Variants in TPM3 observed in about 807,000 individuals in gnomAD.
The protein encoded by TPM3 is tropomyosin alpha-3 chain.
Under a neutral mutation model 43.1 loss-of-function variants are expected in TPM3, and 16 were observed. The ratio of observed to expected loss-of-function variants is 0.37; its 90% CI spans 0.25 to 0.56. The LOEUF is 0.56. Among genes scored for constraint, TPM3 ranks in the 20% least tolerant of loss-of-function variants. The pLI, the probability that TPM3 is intolerant of heterozygous loss-of-function variation, is 0.77. For synonymous variants in TPM3, 101 were observed against 116.9 expected (o/e 0.86, Z 0.88); for missense variants, 176 against 337.2 (o/e 0.52, Z 3.74).
At chr1:154,183,169 G>A (rs752103963) in intron 2 of TPM3, 2 of 1,596,798 alleles carry the variant, frequency 1.3e-6, no homozygotes, top group Admixed American at 1.7e-5. Flanking sequence ...TCCTCCGCTC[G>A]GCGTTGCAGC....
At chr1:154,170,595 C>T in intron 7 of TPM3, 54 bp downstream of exon 7, 1 of 1,591,060 alleles carries the variant, frequency 6.3e-7, no homozygotes. Flanking sequence ...CATATTAATG[C>T]CTTATATACC....
chr1:154,176,304 A>G lies in TPM3; in HGVS notation c.244-56T>C, dbSNP rs976210767. The G allele has an allele frequency of 9.9e-6, 16 of 1,613,214 alleles. No homozygotes were observed. The African/African-American group carries it at 2.0e-4, about 20-fold the overall frequency. On this transcript the variant is annotated intron_variant, in intron 2 of 9. Coordinates refer to ENST00000651641, the MANE Select transcript of TPM3 (RefSeq NM_152263.4). ...AGCAGAGGCATGGAGAAAAGAAGAAATAACTATGACATTAAGATCAGGGTT... is the reference window on the plus strand; with the variant it reads ...AGCAGAGGCATGGAGAAAAGAAGAAGTAACTATGACATTAAGATCAGGGTT...
At chr1:154,156,330 G>T (rs1294095058), downstream of TPM3, 1 of 184,772 alleles carries the variant, frequency 5.4e-6, no homozygotes, top group East Asian at 8.8e-5. Flanking sequence ...AGCACATTTA[G>T]TTTTAATAAA....
rs550281982 is a variant in TPM3, at chr1:154,169,791, G to C, written c.776-408C>G. The C allele has an allele frequency of 2.5e-4, 70 of 282,816 alleles. 1 individual carries two copies. The South Asian group carries it at 2.7e-3, about 11-fold the overall frequency. The allele number at this position is 282,816 out of a possible 1,614,324, so 17.5% of individuals were successfully genotyped here. On this transcript the variant is annotated intron_variant, in intron 8 of 9. Transcript: ENST00000651641. ...CTGCCTACAAAATGTGAACCTATTA[G>C]TGGCCCCTCTGCTCCACAGGCTGCC...
At position 154,162,072 on chromosome 1, in the gene TPM3, T is replaced by G. The variant is rs1159409765; in HGVS notation, c.*5865A>C. ...TAGCGTTCTTTTCAGCTATATCTAA[T>G]TAAGAAACAACCCCATGGCCAGGTG... On this transcript the variant is annotated 3_prime_UTR_variant, in exon 10 of 10. Transcript: ENST00000651641. 6.6e-6 allele frequency among the ~76,000 whole-genome samples: 1 copy of G among 152,072 alleles called. No individual in the cohort carries two copies. The highest frequency in any genetic ancestry group is 1.5e-5 in the Non-Finnish European group (1 of 68,004).
At chr1:154,183,305 G>GGA (rs1486729514) in intron 2 of TPM3, 5 of 1,485,524 alleles carry the variant, frequency 3.4e-6, no homozygotes, top group Admixed American at 2.1e-5. Flanking sequence ...TCCACTGGAG[G>GGA]GAGAGCCGCG....
rs760834004 is a variant in TPM3, at chr1:154,169,391, G to A, written c.776-8C>T. ...TCTGGGCATAGAGCTCATCTGGACA[G>A]GCACAGGAACCACAGGGAGGAATGA... On this transcript the variant is annotated splice_polypyrimidine_tract_variant and splice_region_variant and intron_variant, in intron 8 of 9. Coordinates refer to ENST00000651641, the MANE Select transcript of TPM3 (RefSeq NM_152263.4). 47 of 1,614,106 alleles carry A rather than the reference G, an allele frequency of 2.9e-5. No individual in the cohort carries two copies. Among genetic ancestry groups the A allele is most frequent in the South Asian group, 2.7e-4 (25 of 91,094 alleles).
Position 154,167,599 on chromosome 1 carries a change from A to G in TPM3, c.*338T>C, listed in dbSNP as rs1450449524. 16 of 1,212,548 alleles carry G rather than the reference A, an allele frequency of 1.3e-5. No homozygotes were observed. Among genetic ancestry groups the G allele is most frequent in the Non-Finnish European group, 1.3e-5 (13 of 965,096 alleles). The allele number at this position is 1,212,548 out of a possible 1,614,324, so 75.1% of individuals were successfully genotyped here. ...GATCAGCTGAGTTTAAATGTCAAGAAAAAATAGACACACACAAAAGTGGCT... is the reference window on the plus strand; with the variant it reads ...GATCAGCTGAGTTTAAATGTCAAGAGAAAATAGACACACACAAAAGTGGCT... On this transcript the variant is annotated 3_prime_UTR_variant, in exon 10 of 10. Transcript: ENST00000651641.
intron 2 of TPM3, among the ~76,000 whole-genome samples, chr1:154,190,924 T>G (rs1232156578): frequency 6.6e-6 from 1 of 152,144 alleles, no homozygotes; most frequent in Non-Finnish European, 1.5e-5. Flanking sequence ...GAAAGATAAT[T>G]AAATTCCTGG....
At chr1:154,172,145 G>T in intron 5 of TPM3, 1 of 1,605,616 alleles carries the variant, frequency 6.2e-7, no homozygotes, top group Non-Finnish European at 8.5e-7. Flanking sequence ...GCCAGGTTGT[G>T]GGGAGGGAGA....
chr1:154,182,426 T>C (rs1237199550), intron 2 of TPM3, among the ~76,000 whole-genome samples: 1 of 152,160 alleles, frequency 6.6e-6, no homozygotes, highest in Non-Finnish European at 1.5e-5. Flanking sequence ...GCACCGCGCT[T>C]CCTCTCAGCC....
Position 154,165,922 on chromosome 1 carries a change from A to G in TPM3, c.*2015T>C, listed in dbSNP as rs758111582. Among the ~76,000 whole-genome samples, 14 of 152,156 alleles carry G rather than the reference A, an allele frequency of 9.2e-5. No homozygotes were observed. Among genetic ancestry groups the G allele is most frequent in the Non-Finnish European group, 1.9e-4 (13 of 68,028 alleles). ...ATCTCGTCCCCTCTACTCAATTCCC[A>G]TAACACTATTATTTGTGGCATTCAT... is the stretch of plus-strand genomic sequence containing the variant. On this transcript the variant is annotated 3_prime_UTR_variant, in exon 10 of 10. Coordinates refer to ENST00000651641, the MANE Select transcript of TPM3 (RefSeq NM_152263.4).
chr1:154,182,233 G>T (rs948567239), intron 2 of TPM3, among the ~76,000 whole-genome samples: 1 of 152,214 alleles, frequency 6.6e-6, no homozygotes, highest in African/African-American at 2.4e-5. Flanking sequence ...GTAGGGCCAG[G>T]CAAGTTTGGT....
At chr1:154,187,456 G>A in intron 2 of TPM3, 1 of 984,690 alleles carries the variant, frequency 1.0e-6, no homozygotes, top group Non-Finnish European at 1.2e-6. Flanking sequence ...ACAAAGGGGA[G>A]AGGGGTTGAA....
intron 8 of TPM3, chr1:154,169,747 T>C (rs773979751): frequency 1.4e-5 from 5 of 354,364 alleles, no homozygotes; most frequent in Non-Finnish European, 2.7e-5. Context: ...AGAGTATATA[T>C]CCATATTCAG....
At chr1:154,159,078 CAAGAG>C, downstream of TPM3, 1 of 779,350 alleles carries the variant, frequency 1.3e-6, no homozygotes, top group Admixed American at 1.7e-5. Context: ...GAGGGGAACA[CAAGAG>C]AAGGAGAGGA....
At chr1:154,191,462 A>G in intron 1 of TPM3, 151 bp from the exon 2 acceptor site, 2 of 1,436,934 alleles carry the variant, frequency 1.4e-6, no homozygotes, top group Non-Finnish European at 1.9e-6. Flanking sequence ...CCACTGCCTC[A>G]GGAGTTATGC....
Position 154,162,821 on chromosome 1 carries a change from C to T in TPM3, c.*5116G>A, listed in dbSNP as rs1571367528. ...TGTTGGTCTCTATCCTTGGCTCACA[C>T]TAGTCATACCGCAAGGAAAACAGGA... On this transcript the variant is annotated 3_prime_UTR_variant, in exon 10 of 10. Transcript: ENST00000651641. Among the ~76,000 whole-genome samples the T allele has an allele frequency of 2.0e-5, 3 of 152,184 alleles. No homozygotes were observed.
downstream of TPM3, among the ~76,000 whole-genome samples, chr1:154,160,481 G>A (rs1660236243): frequency 6.6e-6 from 1 of 152,124 alleles, no homozygotes. Context: ...AGCCTGGGAG[G>A]GAATGACTAA....
Sources: allele counts gnomAD v4.1 joint callset (sites outside exome capture counted in the v4.1 genomes callset), GRCh38; gene constraint gnomAD v4.1.1; transcripts MANE v1.5; gene names NCBI Gene and HGNC (gene_info 2026-07-23, HGNC 2026-07-21).